RAB12: variants seen among roughly 807,000 people sequenced by gnomAD.
RAB12 encodes RAB12, member RAS oncogene family.
In RAB12, 11 loss-of-function variants were observed where a neutral mutation model predicts 28.4. The ratio of observed to expected loss-of-function variants is 0.39; its 90% CI spans 0.24 to 0.64. The LOEUF (loss-of-function observed/expected upper bound fraction) is 0.64. Ranked by LOEUF, RAB12 falls within the 30% of genes least tolerant of loss-of-function variation. The pLI is 0.50. For missense variants in RAB12, 276 were observed against 351.1 expected, an observed-to-expected ratio of 0.79 and a Z score of 1.71; for synonymous variants, 138 against 145.3, an observed-to-expected ratio of 0.95 and a Z score of 0.36.
chr18:8,618,267 C>A (rs2096007769), intron 1 of RAB12, among the ~76,000 whole-genome samples: 1 of 152,110 alleles, frequency 6.6e-6, no homozygotes, highest in Non-Finnish European at 1.5e-5. Flanking sequence ...GAGGACAGGT[C>A]TTCTTGTACC....
intron 3 of RAB12, chr18:8,635,193 T>G: frequency 1.2e-5 from 2 of 165,966 alleles, no homozygotes; most frequent in Non-Finnish European, 2.6e-5. Context: ...TCTTGAGCCA[T>G]TTTGTTTGAC....
intron 3 of RAB12, chr18:8,635,249 CT>C: frequency 4.7e-6 from 1 of 214,544 alleles, no homozygotes; most frequent in Non-Finnish European, 9.2e-6. Context: ...AGAGCTTTGC[CT>C]GTATGTTGAA....
intron 1 of RAB12, among the ~76,000 whole-genome samples, chr18:8,614,786 A>G (rs191922689): frequency 1.3e-5 from 2 of 152,166 alleles, no homozygotes; most frequent in Admixed American, 6.5e-5. Context: ...GGGTTTCACC[A>G]TGTTGGCCAG....
intron 1 of RAB12, among the ~76,000 whole-genome samples, chr18:8,623,537 G>A (rs949418516): frequency 6.6e-6 from 1 of 152,222 alleles, no homozygotes; most frequent in East Asian, 1.9e-4. Flanking sequence ...GCGCTATTTT[G>A]TGCGTCTTGT....
intron 2 of RAB12, among the ~76,000 whole-genome samples, chr18:8,629,760 G>A (rs1207192309): frequency 1.3e-5 from 2 of 152,160 alleles, no homozygotes; most frequent in Non-Finnish European, 2.9e-5. Flanking sequence ...ATGGCCAAGG[G>A]GTGTTTCTAG....
intron 1 of RAB12, among the ~76,000 whole-genome samples, chr18:8,623,264 A>G (rs2148708690): frequency 6.6e-6 from 1 of 152,362 alleles, no homozygotes. Context: ...ATAAGAAATT[A>G]TAAAAGTATT....
chr18:8,616,536 C>G (rs1441429196), intron 1 of RAB12, among the ~76,000 whole-genome samples: 1 of 152,138 alleles, frequency 6.6e-6, no homozygotes, highest in Non-Finnish European at 1.5e-5. Flanking sequence ...AATTCCAACT[C>G]CACGTCAGCA....
intron 1 of RAB12, among the ~76,000 whole-genome samples, chr18:8,618,572 C>T (rs1192421579): frequency 2.6e-5 from 4 of 151,576 alleles, no homozygotes; most frequent in Admixed American, 6.6e-5. Context: ...TACAGTGGCG[C>T]GATATTGGCT....
intron 1 of RAB12, among the ~76,000 whole-genome samples, chr18:8,621,737 C>T (rs1303951211): frequency 6.6e-6 from 1 of 150,730 alleles, no homozygotes; most frequent in Non-Finnish European, 1.5e-5. Context: ...AGCATAGGAC[C>T]TGATAGGTAG....
intron 1 of RAB12, among the ~76,000 whole-genome samples, chr18:8,615,506 C>T (rs2096006257): frequency 6.6e-6 from 1 of 152,206 alleles, no homozygotes; most frequent in Non-Finnish European, 1.5e-5. Flanking sequence ...TCCAAAAGCC[C>T]AAGCTCTGCA....
At chr18:8,612,861 T>C (rs2096004614) in intron 1 of RAB12, among the ~76,000 whole-genome samples, 1 of 152,078 alleles carries the variant, frequency 6.6e-6, no homozygotes, top group Non-Finnish European at 1.5e-5. Flanking sequence ...GACAAAGTCT[T>C]GCTATGTTGT....
At chr18:8,637,324 C>T (rs1372572077) in intron 5 of RAB12, among the ~76,000 whole-genome samples, 1 of 150,576 alleles carries the variant, frequency 6.6e-6, no homozygotes, top group African/African-American at 2.4e-5. Flanking sequence ...TAGGTTATGT[C>T]TGTCTTTAGT....
At chr18:8,610,207 C>T (rs928522226) in intron 1 of RAB12, 2 of 380,126 alleles carry the variant, frequency 5.3e-6, no homozygotes, top group Non-Finnish European at 9.6e-6. Flanking sequence ...CCCCCGGGGC[C>T]TGTGGGGGCG....
At position 8,624,917 on chromosome 18, in the gene RAB12, A is replaced by G. The variant is rs1010873511; in HGVS notation, c.515-21A>G. ...TGCATCTTTGTTGTTTTTGCTTCACATTTATTTGTTTTATTTACAGGTGTT... is the reference window on the plus strand; with the variant it reads ...TGCATCTTTGTTGTTTTTGCTTCACGTTTATTTGTTTTATTTACAGGTGTT... On this transcript the variant is annotated intron_variant, in intron 1 of 5. Coordinates refer to ENST00000649141, the MANE Select transcript of RAB12 (RefSeq NM_001025300.3). 4 of 1,467,666 alleles carry G rather than the reference A, an allele frequency of 2.7e-6. No individual in the cohort carries two copies. In the East Asian group the frequency reaches 9.1e-5, roughly 33 times the overall value. 90.9% of individuals were successfully genotyped at this position (1,467,666 alleles called of 1,614,324 possible). A position where few individuals can be genotyped will look rare whatever the true frequency, so the allele number is the denominator to read the frequency against.
At chr18:8,609,986 T>G in intron 1 of RAB12, 33 bp downstream of exon 1, 1 of 1,548,326 alleles carries the variant, frequency 6.5e-7, no homozygotes, top group Non-Finnish European at 8.9e-7. Flanking sequence ...GGGCCGGGCC[T>G]CCTGGCGCCC....
intron 1 of RAB12, among the ~76,000 whole-genome samples, chr18:8,620,132 T>TC (rs111417387): frequency 0.15 from 17,607 of 116,714 alleles, 2,839 homozygotes; most frequent in African/African-American, 0.43. Flanking sequence ...CTTTTTTTTT[T>TC]CTTCTTCTTT....
At chr18:8,633,829 T>C (rs1465203869) in intron 3 of RAB12, among the ~76,000 whole-genome samples, 3 of 152,206 alleles carry the variant, frequency 2.0e-5, no homozygotes, top group Non-Finnish European at 4.4e-5. Context: ...TGGCTCGTGA[T>C]GGAATCATAC....
chr18:8,625,761 A>G (rs1374600022), intron 2 of RAB12, among the ~76,000 whole-genome samples: 1 of 152,152 alleles, frequency 6.6e-6, no homozygotes, highest in East Asian at 1.9e-4. Context: ...TTTGAATGCT[A>G]CAGCTGCGGT....
chr18:8,620,164 T>TTTTTAAAAAA (rs1241560251), intron 1 of RAB12, among the ~76,000 whole-genome samples: 1 of 55,350 alleles, frequency 1.8e-5, no homozygotes, highest in Non-Finnish European at 3.4e-5. Flanking sequence ...TTTTTTTGCT[T>TTTTTAAAAAA]CAAAAAAAAA....
Sources: gnomAD v4.1 joint callset for allele counts (sites outside exome capture counted in the v4.1 genomes callset) on GRCh38, gnomAD v4.1.1 for gene constraint, MANE v1.5 for transcripts, NCBI Gene and HGNC (gene_info 2026-07-23, HGNC 2026-07-21) for gene names.